SYT14: variants seen among roughly 807,000 people sequenced by gnomAD.
SYT14 encodes synaptotagmin-14.
Under a neutral mutation model 74.2 loss-of-function variants are expected in SYT14, and 32 were observed. The observed-to-expected ratio is 0.43, with a 90% CI of 0.33 to 0.58. The LOEUF is 0.58. Ranked by LOEUF, SYT14 falls within the 20% of genes least tolerant of loss-of-function variation. The pLI is 0.05. For missense variants in SYT14, 791 were observed against 981.8 expected, an observed-to-expected ratio of 0.81 and a Z score of 2.60; for synonymous variants, 298 against 337.7, an observed-to-expected ratio of 0.88 and a Z score of 1.29.
At chr1:210,088,675 G>A (rs2081794386) in intron 5 of SYT14, among the ~76,000 whole-genome samples, 2 of 151,940 alleles carry the variant, frequency 1.3e-5, no homozygotes. Flanking sequence ...ATGAGTTCAT[G>A]TCCTTTGCAT....
chr1:210,155,825 G>A, exon 8 of SYT14: 3 of 1,614,100 alleles, frequency 1.9e-6, no homozygotes, highest in Non-Finnish European at 2.5e-6. Context: ...TTATTGGCCT[G>A]CTTTATAATG....
intron 7 of SYT14, among the ~76,000 whole-genome samples, chr1:210,102,749 A>G (rs2082090465): frequency 6.6e-6 from 1 of 152,078 alleles, no homozygotes; most frequent in African/African-American, 2.4e-5. Flanking sequence ...TAGTGCAATC[A>G]TGGCTGATTG....
At chr1:210,055,387 C>T (rs147812324) in intron 5 of SYT14, among the ~76,000 whole-genome samples, 4 of 152,152 alleles carry the variant, frequency 2.6e-5, no homozygotes, top group Admixed American at 6.5e-5. Flanking sequence ...TAGGTATGCC[C>T]ATTGATAATT....
chr1:210,133,609 T>C (rs1182533110), intron 7 of SYT14, among the ~76,000 whole-genome samples: 1 of 152,168 alleles, frequency 6.6e-6, no homozygotes, highest in African/African-American at 2.4e-5. Context: ...CCATATTTTA[T>C]TAATATATTC....
chr1:210,075,611 G>T (rs968055507), intron 5 of SYT14, among the ~76,000 whole-genome samples: 1 of 152,140 alleles, frequency 6.6e-6, no homozygotes, highest in African/African-American at 2.4e-5. Flanking sequence ...GGAATTACAG[G>T]CATGAGCCAC....
intron 5 of SYT14, among the ~76,000 whole-genome samples, chr1:210,038,909 T>C (rs1558146950): frequency 1.3e-5 from 2 of 152,116 alleles, no homozygotes; most frequent in Admixed American, 6.6e-5. Flanking sequence ...TGCAATGTAT[T>C]TTCTAGAGTT....
At chr1:210,090,130 G>A (rs1003883834) in intron 5 of SYT14, among the ~76,000 whole-genome samples, 1 of 152,134 alleles carries the variant, frequency 6.6e-6, no homozygotes, top group African/African-American at 2.4e-5. Flanking sequence ...TTTTTCATCT[G>A]CCACACAGTG....
At chr1:210,000,097 A>G (rs1475485367) in intron 2 of SYT14, among the ~76,000 whole-genome samples, 1 of 152,222 alleles carries the variant, frequency 6.6e-6, no homozygotes, top group East Asian at 1.9e-4. Context: ...ATATTTGCAA[A>G]TGTATACAAA....
chr1:210,015,791 GA>G, exon 4 of SYT14: 5 of 921,468 alleles, frequency 5.4e-6, no homozygotes, highest in Non-Finnish European at 6.9e-6. Context: ...CAAGTGGTTT[GA>G]TTTTTTTTTT....
intron 2 of SYT14, among the ~76,000 whole-genome samples, chr1:209,959,082 A>T (rs977880407): frequency 2.6e-5 from 4 of 152,222 alleles, no homozygotes; most frequent in Non-Finnish European, 5.9e-5. Context: ...AATTGAAAAC[A>T]TATGTTTATA....
intron 5 of SYT14, among the ~76,000 whole-genome samples, chr1:210,093,507 T>C (rs1373170818): frequency 6.6e-6 from 1 of 152,222 alleles, no homozygotes; most frequent in Non-Finnish European, 1.5e-5. Context: ...TTCGCAGATA[T>C]GTTTATTCTC....
chr1:210,033,095 G>A (rs2080578903), intron 5 of SYT14, among the ~76,000 whole-genome samples: 1 of 151,842 alleles, frequency 6.6e-6, no homozygotes, highest in South Asian at 2.1e-4. Context: ...ATGTTCAGAT[G>A]ATAATGTCAG....
At chr1:210,052,837 G>T (rs1157304275) in intron 5 of SYT14, among the ~76,000 whole-genome samples, 2 of 151,942 alleles carry the variant, frequency 1.3e-5, no homozygotes, top group African/African-American at 4.8e-5. Context: ...ATAAAAAATA[G>T]TTCCATATAC....
intron 5 of SYT14, among the ~76,000 whole-genome samples, chr1:210,021,698 G>A (rs952190873): frequency 1.3e-5 from 2 of 152,160 alleles, no homozygotes; most frequent in Non-Finnish European, 2.9e-5. Flanking sequence ...TGTTGCACAT[G>A]GCAGACAGCG....
At position 210,023,393 on chromosome 1, in the gene SYT14, G is replaced by A. The variant is rs190853448; in HGVS notation, c.1312+2139G>A. On this transcript the variant is annotated intron_variant, in intron 5 of 9. Coordinates refer to ENST00000637265, the Ensembl canonical transcript of SYT14. Reference sequence around the variant, plus strand: ...GAGTCTGACTCTGTTGCCCAGGCTGGAGTGCAGTGGCACGATCTTGGCTCA... The same window carrying A: ...GAGTCTGACTCTGTTGCCCAGGCTGAAGTGCAGTGGCACGATCTTGGCTCA... Among the ~76,000 whole-genome samples, 654 of 152,270 alleles carry A rather than the reference G, an allele frequency of 4.3e-3. 5 individuals carry two copies. The highest frequency in any genetic ancestry group is 0.014 in the African/African-American group (602 of 41,566).
At chr1:210,022,781 G>A (rs182921559) in intron 5 of SYT14, among the ~76,000 whole-genome samples, 19 of 152,116 alleles carry the variant, frequency 1.2e-4, no homozygotes, top group Non-Finnish European at 1.8e-4. Context: ...AAAGAGTGAC[G>A]GTCATGAGCA....
At chr1:210,072,222 G>A (rs114618096) in intron 5 of SYT14, among the ~76,000 whole-genome samples, 4,039 of 151,470 alleles carry the variant, frequency 0.027, 190 homozygotes, top group African/African-American at 0.091. Context: ...CTTGATTCCT[G>A]CCATGTCAGT....
chr1:210,000,736 C>T (rs921509023), intron 2 of SYT14, among the ~76,000 whole-genome samples: 2 of 151,228 alleles, frequency 1.3e-5, no homozygotes, highest in African/African-American at 4.9e-5. Flanking sequence ...GCCTCAGCCT[C>T]CCTAGTAGCT....
intron 5 of SYT14, among the ~76,000 whole-genome samples, chr1:210,090,328 C>T (rs1467249684): frequency 6.6e-6 from 1 of 151,656 alleles, no homozygotes; most frequent in African/African-American, 2.4e-5. Context: ...TAATTAATTG[C>T]TCAGCATATA....
Sources: gnomAD v4.1 joint callset for allele counts (sites outside exome capture counted in the v4.1 genomes callset) on GRCh38, gnomAD v4.1.1 for gene constraint, MANE v1.5 for transcripts, NCBI Gene and HGNC (gene_info 2026-07-23, HGNC 2026-07-21) for gene names.